The following DLG2 variants were observed in gnomAD, a reference collection of about 807,000 sequenced individuals.
The protein encoded by DLG2 is disks large homolog 2.
In DLG2, 45 loss-of-function variants were observed where a neutral mutation model predicts 132.5. That is an observed-to-expected ratio of 0.34 (90% CI 0.27 to 0.44). The LOEUF is 0.44. Among genes scored for constraint, DLG2 ranks in the 20% least tolerant of loss-of-function variants. The pLI is 1.00. For synonymous variants in DLG2, 424 were observed against 419.6 expected (o/e 1.01, Z -0.13); for missense variants, 1,045 against 1,196.9 (o/e 0.87, Z 1.87).
intron 11 of DLG2, among the ~76,000 whole-genome samples, chr11:84,050,877 A>T (rs1405450775): frequency 2.0e-5 from 3 of 151,958 alleles, no homozygotes; most frequent in African/African-American, 7.2e-5. Context: ...ATTGGTCTAC[A>T]TCTCTGTTTT....
At chr11:84,378,658 C>A (rs1199785260) in intron 7 of DLG2, among the ~76,000 whole-genome samples, 1 of 151,702 alleles carries the variant, frequency 6.6e-6, no homozygotes, top group Non-Finnish European at 1.5e-5. Context: ...AGGCCAGGCG[C>A]GGTGGCTCAC....
intron 6 of DLG2, among the ~76,000 whole-genome samples, chr11:84,909,214 C>T (rs1344211187): frequency 2.6e-5 from 4 of 152,234 alleles, no homozygotes; most frequent in Admixed American, 6.5e-5. Flanking sequence ...GCTACAAAAC[C>T]GTTCTTGCTC....
At chr11:85,624,093 G>A (rs2081908114) in intron 2 of DLG2, among the ~76,000 whole-genome samples, 2 of 152,192 alleles carry the variant, frequency 1.3e-5, no homozygotes, top group South Asian at 4.1e-4. Flanking sequence ...GGAAACAGAA[G>A]AGTCTTCTGT....
intron 4 of DLG2, among the ~76,000 whole-genome samples, chr11:85,217,223 CA>C (rs1202317313): frequency 6.6e-6 from 1 of 151,126 alleles, no homozygotes; most frequent in Non-Finnish European, 1.5e-5. Flanking sequence ...GATTTTAATC[CA>C]ATATGTGTTC....
intron 22 of DLG2, 25 bp from the exon 23 acceptor site, chr11:83,472,802 A>G: frequency 2.5e-6 from 4 of 1,598,626 alleles, no homozygotes; most frequent in Non-Finnish European, 3.4e-6. Context: ...AAAGAAAACC[A>G]CAGTGAACTA....
chr11:83,650,320 C>G (rs905904893), intron 18 of DLG2, among the ~76,000 whole-genome samples: 2 of 151,976 alleles, frequency 1.3e-5, no homozygotes, highest in Non-Finnish European at 2.9e-5. Context: ...AAGAGGTAGG[C>G]AAGGTCAAAG....
intron 7 of DLG2, among the ~76,000 whole-genome samples, chr11:84,442,784 A>G (rs1307175187): frequency 6.6e-6 from 1 of 152,174 alleles, no homozygotes; most frequent in Non-Finnish European, 1.5e-5. Context: ...GCTCAGGGAT[A>G]AAATTACTGA....
intron 8 of DLG2, among the ~76,000 whole-genome samples, chr11:84,169,458 T>C (rs1382876495): frequency 4.6e-5 from 7 of 152,238 alleles, no homozygotes; most frequent in Admixed American, 6.5e-5. Context: ...TCTTTTTCTA[T>C]ATATCCACTA....
chr11:84,821,439 A>C (rs1303323960), intron 6 of DLG2, among the ~76,000 whole-genome samples: 2 of 151,742 alleles, frequency 1.3e-5, no homozygotes, highest in Non-Finnish European at 2.9e-5. Flanking sequence ...TATTCCAATA[A>C]AACTTTATTT....
At chr11:83,856,299 T>C (rs2060526186) in intron 16 of DLG2, among the ~76,000 whole-genome samples, 1 of 152,184 alleles carries the variant, frequency 6.6e-6, no homozygotes, top group African/African-American at 2.4e-5. Context: ...GAACATATGC[T>C]TGAATTTTCT....
intron 17 of DLG2, among the ~76,000 whole-genome samples, chr11:83,802,961 AT>A (rs2044878710): frequency 6.6e-6 from 1 of 152,158 alleles, no homozygotes; most frequent in African/African-American, 2.4e-5. Flanking sequence ...GTATGTGAAT[AT>A]TTTTAAGTAA....
At position 84,778,179 on chromosome 11, in the gene DLG2, C is replaced by T. The variant is rs181199025; in HGVS notation, c.358-243448G>A. 5.3e-5 allele frequency among the ~76,000 whole-genome samples: 8 copies of T among 152,198 alleles called. No individual in the cohort carries two copies. In the South Asian group the frequency reaches 6.2e-4, roughly 12 times the overall value. On this transcript the variant is annotated intron_variant, in intron 6 of 27. Coordinates refer to ENST00000376104, the MANE Select transcript of DLG2 (RefSeq NM_001142699.3). The stretch of plus-strand genomic sequence containing the variant: ...TTTCATTCATCTGCATATGGTAATC[C>T]GATTTTCCCAGTACCATTTATTGAA...
At chr11:85,029,539 G>C (rs568866083) in intron 6 of DLG2, among the ~76,000 whole-genome samples, 1 of 152,150 alleles carries the variant, frequency 6.6e-6, no homozygotes, top group African/African-American at 2.4e-5. Context: ...CTCAGTGCTA[G>C]CAAATATCAG....
intron 18 of DLG2, among the ~76,000 whole-genome samples, chr11:83,669,476 A>G (rs1409865965): frequency 6.6e-6 from 1 of 152,218 alleles, no homozygotes; most frequent in African/African-American, 2.4e-5. Flanking sequence ...TATTATAGAT[A>G]TGCAATACAC....
intron 5 of DLG2, among the ~76,000 whole-genome samples, chr11:85,143,846 A>G (rs918571930): frequency 1.3e-5 from 2 of 151,950 alleles, no homozygotes; most frequent in Non-Finnish European, 2.9e-5. Flanking sequence ...GTACTTTAAC[A>G]TATGGTCTAT....
At chr11:85,574,624 G>A (rs532770130) in intron 3 of DLG2, among the ~76,000 whole-genome samples, 1 of 152,228 alleles carries the variant, frequency 6.6e-6, no homozygotes, top group East Asian at 1.9e-4. Context: ...CTCATGAATG[G>A]TTTGGTGCCC....
chr11:84,711,663 A>C (rs1227247956), intron 6 of DLG2, among the ~76,000 whole-genome samples: 1 of 152,054 alleles, frequency 6.6e-6, no homozygotes, highest in Non-Finnish European at 1.5e-5. Flanking sequence ...AGCTCAAAGC[A>C]GGCAGGCAGG....
At chr11:83,633,779 CACAA>C (rs1286131642) in intron 18 of DLG2, among the ~76,000 whole-genome samples, 2 of 148,756 alleles carry the variant, frequency 1.3e-5, no homozygotes, top group East Asian at 3.9e-4. Context: ...CACACACACA[CACAA>C]CTGCGGAAAA....
At chr11:85,202,269 A>AAT (rs1554983967) in intron 4 of DLG2, among the ~76,000 whole-genome samples, 4 of 152,124 alleles carry the variant, frequency 2.6e-5, no homozygotes, top group Non-Finnish European at 5.9e-5. Flanking sequence ...TTCTAATCAA[A>AAT]TTGCAAAGGT....
Sources: allele counts gnomAD v4.1 joint callset (sites outside exome capture counted in the v4.1 genomes callset), GRCh38; gene constraint gnomAD v4.1.1; transcripts MANE v1.5; gene names NCBI Gene and HGNC (gene_info 2026-07-23, HGNC 2026-07-21).